Variants in RBFOX1 observed in about 807,000 individuals in gnomAD.
RBFOX1 encodes RNA binding fox-1 homolog 1, also known as RNA binding protein fox-1 homolog 1.
A neutral mutation model predicts 57.7 loss-of-function variants in RBFOX1; 8 were observed. The ratio of observed to expected loss-of-function variants is 0.14; its 90% CI spans 0.08 to 0.25. The LOEUF (loss-of-function observed/expected upper bound fraction) is 0.25, where lower values mean the gene tolerates loss of function less well. RBFOX1 is among the 10% of genes least tolerant of loss of function. RBFOX1 has a pLI of 1.00. For missense variants in RBFOX1, 611 were observed against 548.5 expected, an observed-to-expected ratio of 1.11 and a Z score of -1.14; for synonymous variants, 326 against 222.4, an observed-to-expected ratio of 1.47 and a Z score of -4.15.
At chr16:5,633,183 T>C (rs2048574084) in intron 3 of RBFOX1, among the ~76,000 whole-genome samples, 2 of 151,992 alleles carry the variant, frequency 1.3e-5, no homozygotes, top group South Asian at 4.2e-4. Flanking sequence ...GTGATCCAGC[T>C]GCCTCGGCCT....
At chr16:6,043,544 G>A (rs2095464402) in intron 1 of RBFOX1, among the ~76,000 whole-genome samples, 1 of 152,168 alleles carries the variant, frequency 6.6e-6, no homozygotes, top group Non-Finnish European at 1.5e-5. Flanking sequence ...GAAGTCAGTT[G>A]TGCCTAAACT....
chr16:6,663,604 C>T (rs2098714538), intron 3 of RBFOX1, among the ~76,000 whole-genome samples: 1 of 152,184 alleles, frequency 6.6e-6, no homozygotes, highest in Non-Finnish European at 1.5e-5. Flanking sequence ...CACATAAGGG[C>T]AGAGGCTGCT....
chr16:6,233,496 T>C (rs1324389280), intron 1 of RBFOX1, among the ~76,000 whole-genome samples: 1 of 152,106 alleles, frequency 6.6e-6, no homozygotes, highest in Admixed American at 6.5e-5. Context: ...GGAGTTCACA[T>C]TGCTCTCAGG....
At chr16:5,731,917 G>A (rs2052387540) in intron 3 of RBFOX1, among the ~76,000 whole-genome samples, 3 of 152,128 alleles carry the variant, frequency 2.0e-5, no homozygotes, top group Admixed American at 6.5e-5. Context: ...TATCTTGTCT[G>A]TTCAGGTGTT....
intron 3 of RBFOX1, among the ~76,000 whole-genome samples, chr16:6,853,361 C>T (rs1013069157): frequency 2.0e-5 from 3 of 152,060 alleles, no homozygotes; most frequent in Non-Finnish European, 4.4e-5. Context: ...TTGTAGCATA[C>T]CCTAAGGGTT....
chr16:6,221,340 G>T (rs2097372043), intron 1 of RBFOX1, among the ~76,000 whole-genome samples: 1 of 152,096 alleles, frequency 6.6e-6, no homozygotes, highest in South Asian at 2.1e-4. Flanking sequence ...TACTAGTGAG[G>T]TTGATTGTTT....
chr16:6,945,855 C>A (rs2079401932), intron 3 of RBFOX1, among the ~76,000 whole-genome samples: 1 of 152,206 alleles, frequency 6.6e-6, no homozygotes, highest in Admixed American at 6.5e-5. Context: ...CAAATCACTG[C>A]ACTCCCCACT....
intron 4 of RBFOX1, among the ~76,000 whole-genome samples, chr16:7,086,477 A>G (rs970255604): frequency 6.6e-6 from 1 of 152,124 alleles, no homozygotes; most frequent in Non-Finnish European, 1.5e-5. Context: ...CCTCTCATTC[A>G]TGATGTGTTT....
intron 2 of RBFOX1, among the ~76,000 whole-genome samples, chr16:5,536,208 T>C (rs1031621826): frequency 1.3e-5 from 2 of 150,696 alleles, no homozygotes; most frequent in African/African-American, 4.9e-5. Flanking sequence ...TCTTCAGTGC[T>C]TTGCTTGGAA....
chr16:6,019,256 C>A lies in RBFOX1; in HGVS notation c.-863C>A. On this transcript the variant is annotated 5_prime_UTR_variant, in exon 1 of 16. Coordinates refer to ENST00000550418, the MANE Select transcript of RBFOX1 (RefSeq NM_018723.4). This position sits in a 1 kb window ranked among gnomAD's most constrained non-coding sequence, Gnocchi z 4.2. The stretch of plus-strand genomic sequence containing the variant: ...GTGCACACACCGCTCCCTCGATCAC[C>A]CCAGCCCCCTTCCTGGTCTCCCGAG... 1 of 985,446 alleles carries A rather than the reference C, an allele frequency of 1.0e-6. No homozygotes were observed. The allele number at this position is 985,446 out of a possible 1,614,324, so 61.0% of individuals were successfully genotyped here.
At chr16:6,694,402 A>G (rs1201916338) in intron 3 of RBFOX1, among the ~76,000 whole-genome samples, 1 of 152,222 alleles carries the variant, frequency 6.6e-6, no homozygotes, top group African/African-American at 2.4e-5. Context: ...CTATAAACAC[A>G]AGAAGAAAAA....
intron 3 of RBFOX1, among the ~76,000 whole-genome samples, chr16:6,846,228 A>C (rs2093747216): frequency 6.6e-6 from 1 of 152,176 alleles, no homozygotes; most frequent in Non-Finnish European, 1.5e-5. Context: ...GCATGTTTTC[A>C]GTCTGTGTGA....
intron 2 of RBFOX1, among the ~76,000 whole-genome samples, chr16:5,493,660 A>C (rs538161752): frequency 6.6e-6 from 1 of 152,336 alleles, no homozygotes; most frequent in South Asian, 2.1e-4. Flanking sequence ...AGATTGATGG[A>C]GTAGCCTGGG....
intron 2 of RBFOX1, among the ~76,000 whole-genome samples, chr16:5,530,139 A>C (rs535950197): frequency 6.6e-6 from 1 of 152,148 alleles, no homozygotes; most frequent in Admixed American, 6.5e-5. Context: ...CAGTGGTCTC[A>C]TACACCCTTA....
chr16:5,693,023 G>A (rs1198964720), intron 3 of RBFOX1, among the ~76,000 whole-genome samples: 3 of 152,300 alleles, frequency 2.0e-5, no homozygotes, highest in South Asian at 4.2e-4. Context: ...AGCTCTGGAT[G>A]TCAACTGAAG....
At chr16:6,734,623 C>T (rs975434461) in intron 3 of RBFOX1, among the ~76,000 whole-genome samples, 4 of 152,150 alleles carry the variant, frequency 2.6e-5, no homozygotes, top group African/African-American at 9.7e-5. Context: ...GTCTCTATTC[C>T]TCAGACATTC....
chr16:7,478,274 A>G (rs2151130016), intron 4 of RBFOX1, among the ~76,000 whole-genome samples: 1 of 152,334 alleles, frequency 6.6e-6, no homozygotes, highest in South Asian at 2.1e-4. Context: ...GAATGAAGAG[A>G]ACACAAAGAG....
intron 3 of RBFOX1, among the ~76,000 whole-genome samples, chr16:5,812,631 T>G (rs1349786793): frequency 6.6e-6 from 1 of 151,970 alleles, no homozygotes; most frequent in Non-Finnish European, 1.5e-5. Context: ...AGAAAATTCT[T>G]TTTTATCTTT....
At chr16:5,901,346 C>T (rs145655040) in intron 4 of RBFOX1, among the ~76,000 whole-genome samples, 3 of 152,302 alleles carry the variant, frequency 2.0e-5, no homozygotes, top group Non-Finnish European at 4.4e-5. Flanking sequence ...TTATAATTCA[C>T]CTTGCACCCT....
Sources: gnomAD v4.1 joint callset for allele counts (sites outside exome capture counted in the v4.1 genomes callset) on GRCh38, gnomAD v4.1.1 for gene constraint, Gnocchi (gnomAD v3.1) non-coding constraint, MANE v1.5 for transcripts, NCBI Gene and HGNC (gene_info 2026-07-23, HGNC 2026-07-21) for gene names.